Variants in ZNF578 observed in about 807,000 individuals in gnomAD.
ZNF578 encodes the protein Putative chemokine-related protein B42.
ZNF578 carries 8 observed loss-of-function variants against 8.3 expected under a neutral mutation model. That is an observed-to-expected ratio of 0.96 (90% confidence interval 0.56 to 1.74). The LOEUF is 1.74. Ranked by LOEUF, ZNF578 falls within the 40% of genes most tolerant of loss-of-function variation. ZNF578 has a pLI of 0.00. For missense variants in ZNF578, 726 were observed against 707.5 expected, an observed-to-expected ratio of 1.03 and a Z score of -0.30; for synonymous variants, 206 against 232.2, an observed-to-expected ratio of 0.89 and a Z score of 1.03.
In ZNF578 at chr19:52,510,882, C is replaced by G. The variant is rs372878687; in HGVS notation, c.501C>G (p.Leu167=). 2.5e-6 allele frequency: 4 copies of G among 1,614,050 alleles called. No homozygotes were observed. In the African/African-American group the frequency reaches 4.0e-5, roughly 16 times the overall value. ...GLSFHLHLPE[L]HIFQPEEKIA... ...GCTTTCATTTGCATCTTCCTGAACT[C>G]CACATATTTCAGCCCGAAGAGAAAA... Residue 167 remains leucine (L), a synonymous_variant, in exon 6 of 6, where the codon CTC becomes CTG. Transcript: ENST00000421239.
chr19:52,487,452 A>T (rs1241748576), intron 2 of ZNF578, among the ~76,000 whole-genome samples: 1 of 152,190 alleles, frequency 6.6e-6, no homozygotes, highest in South Asian at 2.1e-4. Flanking sequence ...ATTGGTGTCT[A>T]TAAGACGTAC....
rs113892486 is a variant in ZNF578 at position 52,474,438 on chromosome 19, C to T, written c.-121-16886C>T. 7 of 275,886 alleles carry T rather than the reference C, an allele frequency of 2.5e-5. 1 individual carries two copies. Among genetic ancestry groups the T allele is most frequent in the African/African-American group, 1.1e-4 (5 of 43,910 alleles). The allele number at this position is 275,886 out of a possible 1,614,324, so 17.1% of individuals were successfully genotyped here. A position where few individuals can be genotyped will look rare whatever the true frequency, so the allele number is the denominator to read the frequency against. ...TCTCCAGTAAGAAATAACTCAGTCT[C>T]GGGCTAAAAACTTTGCCACATTCAT... On this transcript the variant is annotated intron_variant, in intron 2 of 5. Transcript: ENST00000421239.
intron 3 of ZNF578, among the ~76,000 whole-genome samples, chr19:52,494,052 A>T (rs768808458): frequency 1.3e-5 from 2 of 152,024 alleles, no homozygotes; most frequent in Non-Finnish European, 2.9e-5. Context: ...GAGAAGTAAT[A>T]GAGGGAAGAA....
At chr19:52,454,103 A>C (rs889898204) in intron 1 of ZNF578, 4 of 150,198 alleles carry the variant, frequency 2.7e-5, no homozygotes, top group Admixed American at 6.6e-5. Context: ...CACATTCCTT[A>C]CCCCGCATTG....
intron 2 of ZNF578, among the ~76,000 whole-genome samples, chr19:52,483,614 A>G (rs1269773747): frequency 6.6e-6 from 1 of 152,102 alleles, no homozygotes; most frequent in Non-Finnish European, 1.5e-5. Flanking sequence ...TTTATTGTGC[A>G]GTTTGTTTTA....
intron 2 of ZNF578, among the ~76,000 whole-genome samples, chr19:52,470,331 G>A (rs376257487): frequency 2.8e-4 from 43 of 152,206 alleles, no homozygotes; most frequent in Admixed American, 6.5e-4. Flanking sequence ...GATGTGACCC[G>A]TGAGGAGGTG....
At chr19:52,458,468 T>TTATATATATATATATATA (rs6146551) in intron 2 of ZNF578, 1,566 of 121,674 alleles carry the variant, frequency 0.013, 74 homozygotes, top group African/African-American at 0.031. Context: ...GCTACTATGT[T>TTATATATATATATATATA]TATATATATA....
intron 5 of ZNF578, among the ~76,000 whole-genome samples, chr19:52,507,537 A>G (rs907922534): frequency 2.0e-5 from 3 of 152,294 alleles, no homozygotes; most frequent in South Asian, 4.1e-4. Flanking sequence ...CTCAGTCTCA[A>G]AAACAGACAA....
intron 2 of ZNF578, among the ~76,000 whole-genome samples, chr19:52,482,974 G>C (rs572073185): frequency 6.6e-6 from 1 of 151,666 alleles, no homozygotes; most frequent in Admixed American, 6.6e-5. Context: ...GCCAAGGATG[G>C]TGGCATGCAT....
At chr19:52,483,478 G>C (rs187109587) in intron 2 of ZNF578, among the ~76,000 whole-genome samples, 2 of 152,130 alleles carry the variant, frequency 1.3e-5, no homozygotes, top group Admixed American at 6.6e-5. Context: ...TAGTCAACAC[G>C]CATGACCAAA....
chr19:52,498,701 T>TTTTTTTTTTTTTTTTA (rs1436867631), intron 3 of ZNF578, among the ~76,000 whole-genome samples: 2 of 134,608 alleles, frequency 1.5e-5, no homozygotes, highest in African/African-American at 2.8e-5. Context: ...TTTTTTTTTT[T>TTTTTTTTTTTTTTTTA]GTAAGACAGA....
intron 3 of ZNF578, among the ~76,000 whole-genome samples, chr19:52,495,088 C>T (rs890410487): frequency 6.6e-6 from 1 of 151,178 alleles, no homozygotes; most frequent in Admixed American, 6.6e-5. Context: ...CTCAAAGGTT[C>T]CTCCTGTCTT....
At chr19:52,482,235 G>A (rs2059329109) in intron 2 of ZNF578, among the ~76,000 whole-genome samples, 1 of 152,116 alleles carries the variant, frequency 6.6e-6, no homozygotes, top group South Asian at 2.1e-4. Context: ...GTTTCTTCAT[G>A]TTGGTCTAGA....
intron 3 of ZNF578, among the ~76,000 whole-genome samples, chr19:52,498,522 G>A (rs1334420565): frequency 2.0e-5 from 3 of 151,702 alleles, no homozygotes; most frequent in South Asian, 2.1e-4. Flanking sequence ...TAGTAGAGAC[G>A]GGCATTCACC....
At chr19:52,497,583 A>G (rs758427960) in intron 3 of ZNF578, among the ~76,000 whole-genome samples, 2 of 152,142 alleles carry the variant, frequency 1.3e-5, no homozygotes, top group Non-Finnish European at 2.9e-5. Flanking sequence ...ATTTCATTAC[A>G]TCTATATTTT....
At chr19:52,487,695 TCTC>T (rs1400210416) in intron 2 of ZNF578, among the ~76,000 whole-genome samples, 4 of 150,274 alleles carry the variant, frequency 2.7e-5, no homozygotes, top group Non-Finnish European at 1.5e-5. Flanking sequence ...CAGTGCGTGA[TCTC>T]CTCTAACTGC....
intron 3 of ZNF578, among the ~76,000 whole-genome samples, chr19:52,493,631 A>T (rs551401131): frequency 1.3e-5 from 2 of 152,212 alleles, no homozygotes; most frequent in South Asian, 4.2e-4. Flanking sequence ...GAGGAGACGC[A>T]GAGATAAGAG....
Position 52,472,864 on chromosome 19 carries a change from T to G in ZNF578, c.-122+15906T>G, listed in dbSNP as rs373258929. On this transcript the variant is annotated intron_variant, in intron 2 of 5. Transcript: ENST00000421239. ...AATAATTTTTTAAAAAATTATAAGC[T>G]GAATATAACTGATCATTTCCACATG... 3.4e-4 allele frequency among the ~76,000 whole-genome samples: 52 copies of G among 152,354 alleles called. 2 individuals are homozygous for G. In the South Asian group the frequency reaches 6.6e-3, roughly 19 times the overall value.
At chr19:52,510,058 T>C (rs972883281) in intron 5 of ZNF578, among the ~76,000 whole-genome samples, 1 of 152,078 alleles carries the variant, frequency 6.6e-6, no homozygotes, top group Non-Finnish European at 1.5e-5. Context: ...ATTTTTGTAA[T>C]CTTTTCTTAT....
Sources: allele counts gnomAD v4.1 joint callset (sites outside exome capture counted in the v4.1 genomes callset), GRCh38; gene constraint gnomAD v4.1.1; transcripts MANE v1.5; gene names NCBI Gene and HGNC (gene_info 2026-07-23, HGNC 2026-07-21).